The following CMTM7 variants were observed in gnomAD, a reference collection of about 807,000 sequenced individuals.
CMTM7 encodes the protein CKLF-like MARVEL transmembrane domain-containing protein 7.
A neutral mutation model predicts 19.3 loss-of-function variants in CMTM7; 7 were observed. The ratio of observed to expected loss-of-function variants is 0.36; its 90% CI spans 0.21 to 0.68. CMTM7 has a LOEUF of 0.68. CMTM7 is among the 30% of genes least tolerant of loss of function. The pLI, the probability that CMTM7 is intolerant of heterozygous loss-of-function variation, is 0.60. For missense variants in CMTM7, 193 were observed against 232.6 expected (o/e 0.83, Z 1.11); for synonymous variants, 87 against 99.3 (o/e 0.88, Z 0.74).
At chr3:32,414,571 T>C (rs1430436671) in intron 1 of CMTM7, among the ~76,000 whole-genome samples, 1 of 152,136 alleles carries the variant, frequency 6.6e-6, no homozygotes, top group Non-Finnish European at 1.5e-5. Context: ...TGAAGCTTCA[T>C]GGGAGGAAAA....
rs535994526 is a variant in CMTM7, at chr3:32,392,942, G to T, written c.159+877G>T. Among the ~76,000 whole-genome samples the T allele has an allele frequency of 6.6e-5, 10 of 152,202 alleles. No individual in the cohort carries two copies. The South Asian group carries it at 1.0e-3, about 16-fold the overall frequency. On this transcript the variant is annotated intron_variant, in intron 1 of 4. Transcript: ENST00000334983. ...GTTTGTAATCTGAAACAACTTTTCC[G>T]TTTGTATGATGTGTTTTGAAACTGG...
chr3:32,427,597 A>T (rs1200891857), intron 1 of CMTM7, among the ~76,000 whole-genome samples: 1 of 152,242 alleles, frequency 6.6e-6, no homozygotes, highest in Non-Finnish European at 1.5e-5. Flanking sequence ...ACACTAGCCC[A>T]TTATAAAGGC....
intron 1 of CMTM7, among the ~76,000 whole-genome samples, chr3:32,425,472 C>T (rs1405121976): frequency 7.0e-6 from 1 of 143,030 alleles, no homozygotes; most frequent in Non-Finnish European, 1.5e-5. Context: ...TTACCCAGGT[C>T]TTAGAATCTT....
chr3:32,394,253 C>T (rs1451067697), intron 1 of CMTM7, among the ~76,000 whole-genome samples: 1 of 152,160 alleles, frequency 6.6e-6, no homozygotes, highest in Non-Finnish European at 1.5e-5. Context: ...GTCTTCTTTG[C>T]TGGAAAATGC....
At chr3:32,443,102 C>CT (rs112570412) in intron 2 of CMTM7, among the ~76,000 whole-genome samples, 1,587 of 152,016 alleles carry the variant, frequency 0.01, 12 homozygotes, top group African/African-American at 0.014. Flanking sequence ...TATTTCATTC[C>CT]TTTTTTTCTT....
intron 1 of CMTM7, among the ~76,000 whole-genome samples, chr3:32,418,705 T>C (rs917916767): frequency 3.9e-5 from 6 of 152,230 alleles, no homozygotes; most frequent in Non-Finnish European, 8.8e-5. Flanking sequence ...GACCAGCTGA[T>C]TATATTCATA....
At chr3:32,392,088 G>A (rs1321748019) in intron 1 of CMTM7, 23 bp downstream of exon 1, 61 of 1,231,336 alleles carry the variant, frequency 5.0e-5, no homozygotes, top group Non-Finnish European at 3.7e-5. Flanking sequence ...GGGGCGCGAG[G>A]CCGAGGTTCT....
At chr3:32,439,889 C>G (rs1696649793) in intron 1 of CMTM7, among the ~76,000 whole-genome samples, 2 of 152,190 alleles carry the variant, frequency 1.3e-5, no homozygotes, top group South Asian at 4.1e-4. Flanking sequence ...TATGGGAGCT[C>G]TCCTATTTAT....
At chr3:32,450,558 G>A (rs1407255250) in intron 3 of CMTM7, among the ~76,000 whole-genome samples, 3 of 152,156 alleles carry the variant, frequency 2.0e-5, no homozygotes, top group Non-Finnish European at 4.4e-5. Flanking sequence ...CAGCATGGGG[G>A]CAGAAGGTCA....
intron 2 of CMTM7, among the ~76,000 whole-genome samples, chr3:32,446,294 A>G (rs1696752090): frequency 6.6e-6 from 1 of 152,074 alleles, no homozygotes; most frequent in Admixed American, 6.6e-5. Context: ...ATTGGCATGC[A>G]ATTGTTTATT....
At chr3:32,450,621 C>T (rs923042286) in intron 3 of CMTM7, among the ~76,000 whole-genome samples, 1 of 152,170 alleles carries the variant, frequency 6.6e-6, no homozygotes, top group Non-Finnish European at 1.5e-5. Flanking sequence ...GGCCCTCCCA[C>T]AGCCCACCAT....
chr3:32,435,186 G>A (rs956551671), intron 1 of CMTM7, among the ~76,000 whole-genome samples: 3 of 152,266 alleles, frequency 2.0e-5, no homozygotes, highest in East Asian at 1.9e-4. Flanking sequence ...GGTGGATCAC[G>A]AGGTCAGGAG....
At chr3:32,439,134 G>A (rs1696641170) in intron 1 of CMTM7, among the ~76,000 whole-genome samples, 1 of 152,200 alleles carries the variant, frequency 6.6e-6, no homozygotes, top group Non-Finnish European at 1.5e-5. Flanking sequence ...GAGTAAGGCA[G>A]AGGTGTGAAT....
chr3:32,415,065 A>T (rs1696239343), intron 1 of CMTM7, among the ~76,000 whole-genome samples: 1 of 151,918 alleles, frequency 6.6e-6, no homozygotes, highest in East Asian at 1.9e-4. Context: ...TTAGCTGGGG[A>T]TGGAAGTAAA....
At chr3:32,408,193 A>G (rs1696117054) in intron 1 of CMTM7, among the ~76,000 whole-genome samples, 1 of 152,220 alleles carries the variant, frequency 6.6e-6, no homozygotes, top group Non-Finnish European at 1.5e-5. Flanking sequence ...CTTCAGCCCA[A>G]TGATAGCGAT....
chr3:32,398,346 A>G (rs891291141), intron 1 of CMTM7, among the ~76,000 whole-genome samples: 3 of 152,182 alleles, frequency 2.0e-5, no homozygotes, highest in African/African-American at 4.8e-5. Flanking sequence ...ACAAGCGGCA[A>G]TGATGGAAAT....
At chr3:32,440,310 G>A (rs1271695150) in intron 1 of CMTM7, among the ~76,000 whole-genome samples, 1 of 151,890 alleles carries the variant, frequency 6.6e-6, no homozygotes, top group Non-Finnish European at 1.5e-5. Flanking sequence ...TGGAGGCTGA[G>A]GCAAGAGAAT....
Position 32,424,076 on chromosome 3 carries a change from C to T in CMTM7, c.160-17764C>T, listed in dbSNP as rs562759705. 6.6e-4 allele frequency among the ~76,000 whole-genome samples: 100 copies of T among 152,272 alleles called. 1 individual carries two copies. The highest frequency in any genetic ancestry group is 2.1e-3 in the South Asian group (10 of 4,826). On this transcript the variant is annotated intron_variant, in intron 1 of 4. Coordinates refer to ENST00000334983, the MANE Select transcript of CMTM7 (RefSeq NM_138410.4). The stretch of plus-strand genomic sequence containing the variant: ...CTGCAGGTCGGGAATCCAGACAGGG[C>T]GCAGTGGAGAAGGCTTATCTCTACT...
intron 1 of CMTM7, among the ~76,000 whole-genome samples, chr3:32,392,400 C>T (rs184413809): frequency 0.083 from 12,626 of 151,858 alleles, 1,267 homozygotes; most frequent in African/African-American, 0.24. Context: ...GTCTTTCTTC[C>T]TCTTCTCTGG....
Sources: allele counts gnomAD v4.1 joint callset (sites outside exome capture counted in the v4.1 genomes callset), GRCh38; gene constraint gnomAD v4.1.1; transcripts MANE v1.5; gene names NCBI Gene and HGNC (gene_info 2026-07-23, HGNC 2026-07-21).